The following TRMT44 variants were observed in gnomAD, a reference collection of about 807,000 sequenced individuals.
The protein encoded by TRMT44 is tRNA methyltransferase 44 homolog.
TRMT44 carries 78 observed loss-of-function variants against 77.3 expected under a neutral mutation model. The observed-to-expected ratio is 1.01, with a 90% confidence interval of 0.84 to 1.22. The LOEUF (loss-of-function observed/expected upper bound fraction) is 1.22, where lower values mean the gene tolerates loss of function less well. Among genes scored for constraint, TRMT44 ranks in the 50% most tolerant of loss-of-function variants. The probability of loss-of-function intolerance (pLI) is 0.00; values close to 1 mark genes in which losing one functional copy is unlikely to be tolerated. For missense variants in TRMT44, 1,090 were observed against 964.4 expected (o/e 1.13, Z -1.73); for synonymous variants, 391 against 383.3 (o/e 1.02, Z -0.23).
chr4:8,481,670 C>T (rs1727617710), intron 2 of TRMT44, among the ~76,000 whole-genome samples: 1 of 152,196 alleles, frequency 6.6e-6, no homozygotes, highest in Non-Finnish European at 1.5e-5. Context: ...TGCTTTTTTA[C>T]TTTTAAACTT....
Position 8,476,088 on chromosome 4 carries a change from C to T in TRMT44, c.*87C>T, listed in dbSNP as rs967044976. Reference sequence around the variant, plus strand: ...AGTCGTCAGTGCTGTGGTCTCTGCTCTGGCTGTGTTTCAGCCCACCTCCTC... The same window carrying T: ...AGTCGTCAGTGCTGTGGTCTCTGCTTTGGCTGTGTTTCAGCCCACCTCCTC... On this transcript the variant is annotated 3_prime_UTR_variant, in exon 11 of 11. Transcript: ENST00000389737. 2.3e-6 allele frequency: 3 copies of T among 1,289,364 alleles called. No individual in the cohort carries two copies. The highest frequency in any genetic ancestry group is 3.8e-4 in the Middle Eastern group (2 of 5,268). 79.9% of individuals were successfully genotyped at this position (1,289,364 alleles called of 1,614,324 possible).
the TRMT44 span, among the ~76,000 whole-genome samples, chr4:8,514,355 G>A: frequency 6.8e-6 from 1 of 146,952 alleles, no homozygotes; most frequent in East Asian, 2.0e-4. Context: ...TCCCATATTC[G>A]AGCCCAGTGG....
At chr4:8,442,334 T>C (rs1394367311) in intron 1 of TRMT44, among the ~76,000 whole-genome samples, 2 of 152,210 alleles carry the variant, frequency 1.3e-5, no homozygotes, top group African/African-American at 2.4e-5. Context: ...GCATAGAGAC[T>C]GGATGGATGG....
chr4:8,459,132 G>T (rs2109130024), intron 6 of TRMT44, among the ~76,000 whole-genome samples: 1 of 152,286 alleles, frequency 6.6e-6, no homozygotes, highest in African/African-American at 2.4e-5. Flanking sequence ...AGTTTGGGAG[G>T]TTGAGACTGC....
intron 9 of TRMT44, among the ~76,000 whole-genome samples, chr4:8,469,033 C>G (rs1303926539): frequency 6.6e-6 from 1 of 152,186 alleles, no homozygotes; most frequent in Non-Finnish European, 1.5e-5. Context: ...GCCCCTCCGT[C>G]GGTGACTTCT....
chr4:8,460,327 G>C (rs1034359531), intron 6 of TRMT44, among the ~76,000 whole-genome samples: 5 of 152,144 alleles, frequency 3.3e-5, no homozygotes, highest in Non-Finnish European at 7.4e-5. Context: ...ATGAAAAAAT[G>C]TTGACTTTTC....
At chr4:8,462,294 C>G (rs1266720700) in intron 6 of TRMT44, among the ~76,000 whole-genome samples, 1 of 152,188 alleles carries the variant, frequency 6.6e-6, no homozygotes, top group Non-Finnish European at 1.5e-5. Flanking sequence ...GCCTGTAATC[C>G]TAGCTACTCG....
intron 8 of TRMT44, among the ~76,000 whole-genome samples, chr4:8,465,917 T>C (rs991626043): frequency 2.6e-5 from 4 of 152,226 alleles, no homozygotes; most frequent in African/African-American, 9.6e-5. Flanking sequence ...CGCAGATAAT[T>C]GGCTGCGATT....
At position 8,487,871 on chromosome 4, in the gene TRMT44, A is replaced by G. The variant is rs1240022518; in HGVS notation, n.3892-5395A>G. ...TCTGACACCTCTGAAACCTGGGTGA[A>G]TAGTCAGAGAGGCGTCCCTGCAATG... On this transcript the variant is annotated intron_variant and non_coding_transcript_variant, in intron 2 of 2. Coordinates refer to the TRMT44 transcript ENST00000511366. Among the ~76,000 whole-genome samples, 3 of 152,190 alleles carry G rather than the reference A, an allele frequency of 2.0e-5. No individual in the cohort carries two copies. The East Asian group carries it at 5.8e-4, about 29-fold the overall frequency.
At chr4:8,515,796 C>T in the TRMT44 span, among the ~76,000 whole-genome samples, 8 of 152,168 alleles carry the variant, frequency 5.3e-5, no homozygotes, top group African/African-American at 1.9e-4. Context: ...CTCCCCAGTG[C>T]GGGGTGACAT....
intron 8 of TRMT44, among the ~76,000 whole-genome samples, chr4:8,467,655 A>G (rs1316153563): frequency 6.6e-6 from 1 of 152,034 alleles, no homozygotes; most frequent in African/African-American, 2.4e-5. Context: ...TAATTTTTGT[A>G]TTTGTAGTAG....
chr4:8,457,799 C>T (rs187591496), intron 6 of TRMT44, among the ~76,000 whole-genome samples: 2 of 152,090 alleles, frequency 1.3e-5, no homozygotes, highest in African/African-American at 4.8e-5. Context: ...GTGGATATGG[C>T]AAAGGTGGGC....
chr4:8,480,221 C>T (rs112279117), downstream of TRMT44, among the ~76,000 whole-genome samples: 3 of 152,202 alleles, frequency 2.0e-5, no homozygotes, highest in East Asian at 1.9e-4. Context: ...AGTTTCCGAG[C>T]GGGAGTGGAA....
intron 2 of TRMT44, among the ~76,000 whole-genome samples, chr4:8,485,574 A>G (rs960783430): frequency 6.6e-6 from 1 of 152,114 alleles, no homozygotes; most frequent in African/African-American, 2.4e-5. Flanking sequence ...GGTAATGGGC[A>G]TGTGATCGGT....
Position 8,446,453 on chromosome 4 carries a change from CCTT to C in TRMT44, c.620-17_620-15del, listed in dbSNP as rs1333826459. 65 of 1,464,064 alleles carry C rather than the reference CCTT, an allele frequency of 4.4e-5. No homozygotes were observed. The East Asian group carries it at 1.1e-3, about 24-fold the overall frequency. 90.7% of individuals were successfully genotyped at this position (1,464,064 alleles called of 1,614,324 possible). On this transcript the variant is annotated intron_variant, in intron 1 of 10. Transcript: ENST00000389737. The surrounding 1 kb of genome is among the most constrained non-coding windows in gnomAD (Gnocchi z 4.3). ...CGGTAGCTAGGCAGTTGTAATTTGT[CCTT>C]CTTCTCTTTTTCTTTCCAGATGTCC...
chr4:8,486,482 TTTTA>T (rs1324213891), intron 2 of TRMT44, among the ~76,000 whole-genome samples: 4 of 152,112 alleles, frequency 2.6e-5, no homozygotes, highest in African/African-American at 7.2e-5. Flanking sequence ...ATTTATTGGA[TTTTA>T]TTTATTTGGA....
intron 6 of TRMT44, among the ~76,000 whole-genome samples, 183 bp from the exon 7 acceptor site, chr4:8,463,802 C>T (rs1239685294): frequency 6.6e-6 from 1 of 152,224 alleles, no homozygotes; most frequent in South Asian, 2.1e-4. Context: ...TTCTTGCCCT[C>T]TAGGCAGACC....
chr4:8,495,780 T>C (rs569560563), downstream of TRMT44, among the ~76,000 whole-genome samples: 3 of 152,336 alleles, frequency 2.0e-5, no homozygotes, highest in South Asian at 6.2e-4. Context: ...GCTGACTGGA[T>C]ACCAGAGGCA....
intron 2 of TRMT44, among the ~76,000 whole-genome samples, chr4:8,490,123 C>G (rs1727951210): frequency 6.6e-6 from 1 of 152,178 alleles, no homozygotes; most frequent in East Asian, 1.9e-4. Flanking sequence ...GTGATTTCAT[C>G]TCTGCCCAAC....
Sources: allele counts gnomAD v4.1 joint callset (sites outside exome capture counted in the v4.1 genomes callset), GRCh38; gene constraint gnomAD v4.1.1; non-coding constraint Gnocchi (gnomAD v3.1); transcripts MANE v1.5; gene names NCBI Gene and HGNC (gene_info 2026-07-23, HGNC 2026-07-21).